GALNTL6: variants seen among roughly 807,000 people sequenced by gnomAD.
GALNTL6 encodes polypeptide N-acetylgalactosaminyltransferase like 6.
GALNTL6 carries 46 observed loss-of-function variants against 73.7 expected under a neutral mutation model. The ratio of observed to expected loss-of-function variants is 0.62; its 90% CI spans 0.49 to 0.80. The LOEUF is 0.80. Ranked by LOEUF, GALNTL6 falls within the 30% of genes least tolerant of loss-of-function variation. The pLI is 0.00. For synonymous variants in GALNTL6, 259 were observed against 263.7 expected (o/e 0.98, Z 0.17); for missense variants, 604 against 755.0 (o/e 0.80, Z 2.34).
chr4:172,758,351 A>G (rs541668484), intron 5 of GALNTL6, among the ~76,000 whole-genome samples: 42 of 152,300 alleles, frequency 2.8e-4, no homozygotes, highest in Non-Finnish European at 4.3e-4. Flanking sequence ...CCTGGCCAAC[A>G]TGGCAAAACC....
chr4:172,183,787 T>C (rs1735332349), intron 2 of GALNTL6, among the ~76,000 whole-genome samples: 1 of 145,188 alleles, frequency 6.9e-6, no homozygotes, highest in Non-Finnish European at 1.5e-5. Context: ...GCTATTACTG[T>C]TGAAGACTTT....
chr4:172,169,119 T>C (rs1734729493), intron 2 of GALNTL6, among the ~76,000 whole-genome samples: 3 of 152,152 alleles, frequency 2.0e-5, no homozygotes, highest in Non-Finnish European at 2.9e-5. Context: ...GATAAGTAAA[T>C]GGGAAGAAGT....
At chr4:172,626,816 A>G (rs1739188470) in intron 5 of GALNTL6, among the ~76,000 whole-genome samples, 1 of 152,096 alleles carries the variant, frequency 6.6e-6, no homozygotes, top group Non-Finnish European at 1.5e-5. Context: ...TTGCATAGAA[A>G]TGGCACTAAT....
intron 4 of GALNTL6, among the ~76,000 whole-genome samples, chr4:172,337,217 T>TA (rs1174275875): frequency 6.6e-6 from 1 of 152,138 alleles, no homozygotes; most frequent in African/African-American, 2.4e-5. Flanking sequence ...TTTTTTTTTT[T>TA]AATCCAGCTT....
chr4:172,915,343 G>A (rs866816269), intron 8 of GALNTL6, among the ~76,000 whole-genome samples: 23 of 152,182 alleles, frequency 1.5e-4, no homozygotes, highest in African/African-American at 5.5e-4. Flanking sequence ...AAGAACTAGA[G>A]AAGCAAGAGC....
At chr4:171,936,370 C>T (rs1426879557) in intron 2 of GALNTL6, among the ~76,000 whole-genome samples, 29 of 151,912 alleles carry the variant, frequency 1.9e-4, no homozygotes, top group Non-Finnish European at 5.9e-5. Flanking sequence ...TTTTCTTCTG[C>T]TTTAGCTGTT....
intron 2 of GALNTL6, among the ~76,000 whole-genome samples, chr4:172,026,200 T>A (rs1741570366): frequency 7.0e-6 from 1 of 143,166 alleles, no homozygotes; most frequent in Middle Eastern, 3.3e-3. Flanking sequence ...TGCATTTGTT[T>A]CAATTAAACC....
chr4:172,188,380 C>T lies in GALNTL6; in HGVS notation c.139-41276C>T, dbSNP rs183157236. Among the ~76,000 whole-genome samples the T allele has an allele frequency of 1.6e-3, 241 of 152,194 alleles. 2 individuals are homozygous for T. Among genetic ancestry groups the T allele is most frequent in the Middle Eastern group, 6.8e-3 (2 of 294 alleles). On this transcript the variant is annotated intron_variant, in intron 2 of 12. Transcript: ENST00000506823. ...AGAAATTCCCACCATGAAAAGCTTC[C>T]GTACACATATTTGAGCATTTATTTG...
intron 2 of GALNTL6, among the ~76,000 whole-genome samples, chr4:171,884,409 A>C (rs1736550369): frequency 6.6e-6 from 1 of 152,164 alleles, no homozygotes; most frequent in South Asian, 2.1e-4. Flanking sequence ...TGTAGTAGAT[A>C]ATATTAGATA....
rs1309612929 is a variant in GALNTL6, at chr4:172,189,361, A to G, written c.139-40295A>G. On this transcript the variant is annotated intron_variant, in intron 2 of 12. Coordinates refer to ENST00000506823, the MANE Select transcript of GALNTL6 (RefSeq NM_001034845.3). ...ACATAGACCCCATGGAAAACTAAAA[A>G]ACACTGTGAATCTATAAGGCCAATT... Among the ~76,000 whole-genome samples, 3 of 152,290 alleles carry G rather than the reference A, an allele frequency of 2.0e-5. No individual in the cohort carries two copies. The East Asian group carries it at 5.8e-4, about 29-fold the overall frequency.
intron 2 of GALNTL6, among the ~76,000 whole-genome samples, chr4:172,074,993 T>C (rs1318469576): frequency 6.6e-6 from 1 of 152,224 alleles, no homozygotes; most frequent in Non-Finnish European, 1.5e-5. Flanking sequence ...AACAATAATG[T>C]TCATATTATA....
In GALNTL6 at chr4:172,134,959, C is replaced by T. The variant is rs555897175; in HGVS notation, c.139-94697C>T. 7.2e-5 allele frequency among the ~76,000 whole-genome samples: 11 copies of T among 152,242 alleles called. No individual in the cohort carries two copies. The East Asian group carries it at 9.7e-4, about 13-fold the overall frequency. On this transcript the variant is annotated intron_variant, in intron 2 of 12. Transcript: ENST00000506823. The stretch of plus-strand genomic sequence containing the variant: ...CATGTTCAGAATCCAGTGCCCCAGC[C>T]GCACCTAACTACAAAGAGGGCTGGA...
At chr4:172,377,869 G>T (rs556248869) in intron 5 of GALNTL6, among the ~76,000 whole-genome samples, 1 of 151,962 alleles carries the variant, frequency 6.6e-6, no homozygotes, top group Non-Finnish European at 1.5e-5. Flanking sequence ...CAGAATTCAC[G>T]CTGGCCCGCG....
chr4:172,336,425 C>T (rs1490718933), intron 4 of GALNTL6, among the ~76,000 whole-genome samples: 1 of 150,398 alleles, frequency 6.6e-6, no homozygotes, highest in African/African-American at 2.4e-5. Context: ...GCACATGCCA[C>T]CATGCCCAGC....
At chr4:172,252,030 T>G (rs1352122825) in intron 3 of GALNTL6, among the ~76,000 whole-genome samples, 1 of 152,072 alleles carries the variant, frequency 6.6e-6, no homozygotes, top group African/African-American at 2.4e-5. Context: ...TAGAAATATG[T>G]CAAATCAATG....
chr4:172,754,378 C>G (rs1401196069), intron 5 of GALNTL6, among the ~76,000 whole-genome samples: 2 of 152,098 alleles, frequency 1.3e-5, no homozygotes, highest in African/African-American at 2.4e-5. Context: ...CAAGACAAGC[C>G]TGGCCAACAT....
intron 5 of GALNTL6, among the ~76,000 whole-genome samples, chr4:172,375,522 C>T (rs1159407541): frequency 2.0e-5 from 3 of 152,270 alleles, no homozygotes; most frequent in Non-Finnish European, 2.9e-5. Context: ...TGCCCAAGAA[C>T]CCACAACAGT....
At chr4:171,892,458 A>G (rs981843053) in intron 2 of GALNTL6, among the ~76,000 whole-genome samples, 1 of 152,216 alleles carries the variant, frequency 6.6e-6, no homozygotes, top group Admixed American at 6.5e-5. Context: ...TCCCTTACAA[A>G]TGCCAAAATT....
intron 5 of GALNTL6, among the ~76,000 whole-genome samples, chr4:172,459,541 A>G (rs1732533526): frequency 6.6e-6 from 1 of 152,234 alleles, no homozygotes; most frequent in African/African-American, 2.4e-5. Context: ...TTAATGTGCA[A>G]AAATCACAAG....
Sources: allele counts gnomAD v4.1 joint callset (sites outside exome capture counted in the v4.1 genomes callset), GRCh38; gene constraint gnomAD v4.1.1; transcripts MANE v1.5; gene names NCBI Gene and HGNC (gene_info 2026-07-23, HGNC 2026-07-21).